The following DCLK2 variants were observed in gnomAD, a reference collection of about 807,000 sequenced individuals.
DCLK2 encodes serine/threonine-protein kinase DCLK2.
A neutral mutation model predicts 78.4 loss-of-function variants in DCLK2; 31 were observed. That is an observed-to-expected ratio of 0.40 (90% CI 0.30 to 0.53). The LOEUF (loss-of-function observed/expected upper bound fraction) is 0.53, where lower values mean the gene tolerates loss of function less well. Among genes scored for constraint, DCLK2 ranks in the 20% least tolerant of loss-of-function variants. DCLK2 has a pLI of 0.61. For synonymous variants in DCLK2, 407 were observed against 374.9 expected (o/e 1.09, Z -0.99); for missense variants, 872 against 973.7 (o/e 0.90, Z 1.39).
intron 12 of DCLK2, among the ~76,000 whole-genome samples, chr4:150,243,665 C>A (rs1049002770): frequency 6.6e-6 from 1 of 152,022 alleles, no homozygotes; most frequent in Non-Finnish European, 1.5e-5. Context: ...ATCTTTCATT[C>A]TTTCTTCCTT....
At position 150,256,220 on chromosome 4, in the gene DCLK2, A is replaced by G; in HGVS notation, c.2274A>G (p.Ala758=). Residue 758 remains alanine, a synonymous_variant, in exon 16 of 16, where the codon GCA becomes GCG. Transcript: ENST00000296550. The part of the protein sequence containing the change: ...PPPAAPGGER[A]GTWRRHRD ...CCGCTGCCCCGGGTGGTGAGCGGGCAGGAACCTGGCGCCGCCACCGAGACT... is the reference window on the plus strand; with the variant it reads ...CCGCTGCCCCGGGTGGTGAGCGGGCGGGAACCTGGCGCCGCCACCGAGACT... The G allele has an allele frequency of 7.0e-7, 1 of 1,426,200 alleles. No homozygotes were observed. The highest frequency in any genetic ancestry group is 3.7e-5 in the East Asian group (1 of 27,250). 88.3% of individuals were successfully genotyped at this position (1,426,200 alleles called of 1,614,324 possible). A position where few individuals can be genotyped will look rare whatever the true frequency, so the allele number is the denominator to read the frequency against.
At chr4:150,101,095 AAC>A (rs1348580045) in intron 1 of DCLK2, among the ~76,000 whole-genome samples, 1 of 152,082 alleles carries the variant, frequency 6.6e-6, no homozygotes, top group Non-Finnish European at 1.5e-5. Flanking sequence ...CTCTACTAAA[AAC>A]ACAAAAATTT....
intron 10 of DCLK2, among the ~76,000 whole-genome samples, chr4:150,234,268 C>T (rs946676481): frequency 1.6e-4 from 25 of 152,206 alleles, no homozygotes; most frequent in African/African-American, 6.0e-4. Context: ...ACAGCCACCT[C>T]GGGTTTCTGC....
chr4:150,181,883 T>C (rs963261442), intron 2 of DCLK2, among the ~76,000 whole-genome samples: 2 of 152,148 alleles, frequency 1.3e-5, no homozygotes, highest in Admixed American at 1.3e-4. Context: ...CTATTTATGC[T>C]CATTGTACTC....
At chr4:150,238,317 A>G (rs1186812719) in intron 10 of DCLK2, among the ~76,000 whole-genome samples, 1 of 152,166 alleles carries the variant, frequency 6.6e-6, no homozygotes, top group Non-Finnish European at 1.5e-5. Flanking sequence ...GTAATGTATC[A>G]TAGTCATTGC....
chr4:150,214,110 A>C (rs1257001029), intron 5 of DCLK2, among the ~76,000 whole-genome samples: 3 of 152,238 alleles, frequency 2.0e-5, no homozygotes, highest in Non-Finnish European at 4.4e-5. Flanking sequence ...TTTCTTACAA[A>C]GACAAGATTG....
At chr4:150,227,547 A>G (rs1451588674) in intron 8 of DCLK2, among the ~76,000 whole-genome samples, 2 of 152,242 alleles carry the variant, frequency 1.3e-5, no homozygotes, top group Admixed American at 6.5e-5. Flanking sequence ...TGGTGAGAAC[A>G]GTCTGAGCAA....
chr4:150,200,447 G>A (rs557418303), intron 4 of DCLK2, among the ~76,000 whole-genome samples: 6 of 152,322 alleles, frequency 3.9e-5, no homozygotes, highest in Admixed American at 6.5e-5. Context: ...TGGGATTTGA[G>A]TGAATCTCAA....
intron 12 of DCLK2, among the ~76,000 whole-genome samples, chr4:150,243,384 T>C (rs1359743590): frequency 6.6e-6 from 1 of 151,148 alleles, no homozygotes; most frequent in South Asian, 2.1e-4. Context: ...TAAACGTGTG[T>C]TACCAAAGTG....
intron 2 of DCLK2, among the ~76,000 whole-genome samples, chr4:150,163,769 A>G (rs927197267): frequency 3.3e-4 from 51 of 152,328 alleles, no homozygotes; most frequent in African/African-American, 1.2e-3. Flanking sequence ...ACATTTTTCA[A>G]TTTCTAAAAG....
intron 1 of DCLK2, among the ~76,000 whole-genome samples, chr4:150,081,100 T>C (rs977138952): frequency 6.6e-6 from 1 of 152,250 alleles, no homozygotes. Context: ...ATCAAGGCAA[T>C]GCCTGTTTGC....
chr4:150,253,648 C>T, intron 15 of DCLK2: 1 of 1,267,936 alleles, frequency 7.9e-7, no homozygotes, highest in African/African-American at 1.5e-5. Context: ...CGCCGTCCGG[C>T]TCTCAGCTGC....
At chr4:150,242,411 G>A (rs550293486) in intron 12 of DCLK2, among the ~76,000 whole-genome samples, 1 of 152,220 alleles carries the variant, frequency 6.6e-6, no homozygotes, top group Non-Finnish European at 1.5e-5. Context: ...TCATTAACTA[G>A]GTGGGTTACA....
chr4:150,186,174 T>C (rs548540607), intron 2 of DCLK2, among the ~76,000 whole-genome samples: 123 of 152,328 alleles, frequency 8.1e-4, no homozygotes, highest in African/African-American at 2.9e-3. Flanking sequence ...TCTAAACTGA[T>C]ACACTTTTCC....
At chr4:150,132,329 G>GAAATTTAAAATTT (rs1733374556) in intron 2 of DCLK2, among the ~76,000 whole-genome samples, 1 of 152,190 alleles carries the variant, frequency 6.6e-6, no homozygotes, top group Non-Finnish European at 1.5e-5. Context: ...AATACAAGAG[G>GAAATTTAAAATTT]AAATTTAAAA....
At chr4:150,089,082 C>CAAAATCTGAAA (rs78590361) in intron 1 of DCLK2, among the ~76,000 whole-genome samples, 1 of 151,724 alleles carries the variant, frequency 6.6e-6, no homozygotes, top group Admixed American at 6.6e-5. Flanking sequence ...GCAGATATTC[C>CAAAATCTGAAA]AAAATCTGAA....
chr4:150,215,988 C>T (rs1028740294), intron 5 of DCLK2, among the ~76,000 whole-genome samples: 1 of 152,204 alleles, frequency 6.6e-6, no homozygotes, highest in Non-Finnish European at 1.5e-5. Flanking sequence ...GAGCCAGGAA[C>T]ATGGATGAAA....
At chr4:150,132,378 G>A (rs766278493) in intron 2 of DCLK2, among the ~76,000 whole-genome samples, 1 of 152,232 alleles carries the variant, frequency 6.6e-6, no homozygotes, top group Non-Finnish European at 1.5e-5. Flanking sequence ...AAGTATGCTG[G>A]TGGGACTGAA....
At chr4:150,192,338 G>A (rs1296502094) in intron 2 of DCLK2, among the ~76,000 whole-genome samples, 1 of 151,996 alleles carries the variant, frequency 6.6e-6, no homozygotes, top group Admixed American at 6.6e-5. Context: ...AAATTAGCTG[G>A]GTGTGGTGGC....
Sources: gnomAD v4.1 joint callset for allele counts (sites outside exome capture counted in the v4.1 genomes callset) on GRCh38, gnomAD v4.1.1 for gene constraint, MANE v1.5 for transcripts, NCBI Gene and HGNC (gene_info 2026-07-23, HGNC 2026-07-21) for gene names.